WDR70: variants seen among roughly 807,000 people sequenced by gnomAD.
The protein encoded by WDR70 is WD repeat-containing protein 70.
A neutral mutation model predicts 88.6 loss-of-function variants in WDR70; 53 were observed. The ratio of observed to expected loss-of-function variants is 0.60; its 90% CI spans 0.48 to 0.75. WDR70 has a LOEUF of 0.75. Among genes scored for constraint, WDR70 ranks in the 30% least tolerant of loss-of-function variants. WDR70 has a pLI of 0.00. For synonymous variants in WDR70, 280 were observed against 270.0 expected, an observed-to-expected ratio of 1.04 and a Z score of -0.36; for missense variants, 610 against 823.2, an observed-to-expected ratio of 0.74 and a Z score of 3.17.
At chr5:37,610,019 G>A (rs369953585) in intron 10 of WDR70, among the ~76,000 whole-genome samples, 10 of 152,176 alleles carry the variant, frequency 6.6e-5, no homozygotes, top group African/African-American at 1.9e-4. Context: ...GATTGGGCAC[G>A]GTGGCCCATG....
chr5:37,661,674 T>C (rs1324456014), intron 10 of WDR70, among the ~76,000 whole-genome samples: 2 of 152,094 alleles, frequency 1.3e-5, no homozygotes, highest in Non-Finnish European at 2.9e-5. Context: ...AGGATGGAAG[T>C]GAGGTTTTCT....
intron 9 of WDR70, among the ~76,000 whole-genome samples, chr5:37,594,225 A>G (rs906237545): frequency 5.3e-5 from 8 of 152,158 alleles, no homozygotes; most frequent in Admixed American, 2.0e-4. Flanking sequence ...GCCCATGCCT[A>G]TGTCCTGAAT....
At chr5:37,690,164 A>G (rs921661557) in intron 10 of WDR70, among the ~76,000 whole-genome samples, 1 of 152,212 alleles carries the variant, frequency 6.6e-6, no homozygotes, top group East Asian at 1.9e-4. Context: ...GTTAGAGAAA[A>G]AAGAGTAAAA....
At chr5:37,704,361 C>G (rs1204290646) in intron 13 of WDR70, among the ~76,000 whole-genome samples, 1 of 152,156 alleles carries the variant, frequency 6.6e-6, no homozygotes, top group Admixed American at 6.6e-5. Context: ...CAGTATCACA[C>G]TTGATGTATT....
chr5:37,434,535 A>G (rs1468364761), intron 5 of WDR70, among the ~76,000 whole-genome samples: 3 of 152,138 alleles, frequency 2.0e-5, no homozygotes, highest in Non-Finnish European at 2.9e-5. Flanking sequence ...TTTGTAGCAG[A>G]TCTTTGTTAT....
intron 5 of WDR70, among the ~76,000 whole-genome samples, chr5:37,405,353 CTT>C (rs1224187351): frequency 6.9e-6 from 1 of 144,644 alleles, no homozygotes; most frequent in Non-Finnish European, 1.5e-5. Flanking sequence ...TTGCCTTATA[CTT>C]TTTTTTTTTT....
At chr5:37,481,504 T>C (rs1002586711) in intron 8 of WDR70, among the ~76,000 whole-genome samples, 3 of 151,958 alleles carry the variant, frequency 2.0e-5, no homozygotes, top group Non-Finnish European at 4.4e-5. Flanking sequence ...AGCCATGGCC[T>C]GAGGTGTATC....
chr5:37,539,961 G>T (rs74947787), intron 9 of WDR70, among the ~76,000 whole-genome samples: 1,819 of 152,270 alleles, frequency 0.012, 37 homozygotes, highest in African/African-American at 0.041. Context: ...CATTCTTGGA[G>T]ATTTCAGTTG....
At chr5:37,518,086 T>C (rs1199523728) in intron 9 of WDR70, among the ~76,000 whole-genome samples, 1 of 151,610 alleles carries the variant, frequency 6.6e-6, no homozygotes, top group Non-Finnish European at 1.5e-5. Flanking sequence ...AGCTAATTTT[T>C]ATATTTTTAG....
chr5:37,427,703 C>CT (rs1750176021), intron 5 of WDR70, among the ~76,000 whole-genome samples: 1 of 150,094 alleles, frequency 6.7e-6, no homozygotes, highest in Admixed American at 6.6e-5. Context: ...CCTGGCCAAC[C>CT]TGATGAAACT....
intron 9 of WDR70, among the ~76,000 whole-genome samples, chr5:37,556,926 G>A (rs1214465097): frequency 6.6e-6 from 1 of 152,172 alleles, no homozygotes; most frequent in Non-Finnish European, 1.5e-5. Flanking sequence ...CTCTTGTGGA[G>A]GTTGGGAGCC....
At chr5:37,621,037 A>G (rs958278707) in intron 10 of WDR70, among the ~76,000 whole-genome samples, 8 of 151,956 alleles carry the variant, frequency 5.3e-5, no homozygotes, top group African/African-American at 1.5e-4. Flanking sequence ...CTGGTATGCC[A>G]CTAGAAATCA....
At chr5:37,578,407 G>A (rs1265554964) in intron 9 of WDR70, among the ~76,000 whole-genome samples, 1 of 152,170 alleles carries the variant, frequency 6.6e-6, no homozygotes, top group African/African-American at 2.4e-5. Flanking sequence ...ACTAGTAGTG[G>A]ATGTCGGAAA....
intron 10 of WDR70, among the ~76,000 whole-genome samples, chr5:37,626,254 A>G (rs1049903750): frequency 1.3e-5 from 2 of 152,128 alleles, no homozygotes; most frequent in African/African-American, 4.8e-5. Flanking sequence ...TGGGTTTGCC[A>G]TATTTGGCCA....
At chr5:37,453,473 A>G (rs1317906818) in intron 7 of WDR70, among the ~76,000 whole-genome samples, 2 of 152,246 alleles carry the variant, frequency 1.3e-5, no homozygotes, top group Admixed American at 6.5e-5. Flanking sequence ...CGCTGATGCT[A>G]TTGTTTGTGG....
intron 9 of WDR70, among the ~76,000 whole-genome samples, chr5:37,521,314 T>G (rs1235059616): frequency 6.8e-6 from 1 of 147,270 alleles, no homozygotes; most frequent in African/African-American, 2.5e-5. Flanking sequence ...CACAAACATT[T>G]AAAAGTTTTT....
chr5:37,576,252 C>CTGAGATAAG (rs1743048188), intron 9 of WDR70, among the ~76,000 whole-genome samples: 1 of 151,478 alleles, frequency 6.6e-6, no homozygotes, highest in Non-Finnish European at 1.5e-5. Flanking sequence ...TCATGTTACA[C>CTGAGATAAG]TGTGCTCCAG....
Position 37,644,103 on chromosome 5 carries a change from A to G in WDR70, c.1092+38865A>G, listed in dbSNP as rs759689269. On this transcript the variant is annotated intron_variant, in intron 10 of 17. Transcript: ENST00000265107. ...GCTTTCAGTTTTCCCCCTAATCAGTATGATACTAGCTGTGGGTCTGTCTAT... is the reference window on the plus strand; with the variant it reads ...GCTTTCAGTTTTCCCCCTAATCAGTGTGATACTAGCTGTGGGTCTGTCTAT... Among the ~76,000 whole-genome samples, 9 of 152,180 alleles carry G rather than the reference A, an allele frequency of 5.9e-5. 1 individual carries two copies. In the South Asian group the frequency reaches 1.0e-3, roughly 18 times the overall value.
At chr5:37,522,146 G>A (rs1160340304) in intron 9 of WDR70, among the ~76,000 whole-genome samples, 1 of 151,954 alleles carries the variant, frequency 6.6e-6, no homozygotes, top group Non-Finnish European at 1.5e-5. Context: ...TTTTCCATAT[G>A]CTTTTTGGCC....
Sources: allele counts gnomAD v4.1 joint callset (sites outside exome capture counted in the v4.1 genomes callset), GRCh38; gene constraint gnomAD v4.1.1; transcripts MANE v1.5; gene names NCBI Gene and HGNC (gene_info 2026-07-23, HGNC 2026-07-21).